Variants in KRT4 observed in about 807,000 individuals in gnomAD.
The protein encoded by KRT4 is keratin 4.
Under a neutral mutation model 50.6 loss-of-function variants are expected in KRT4, and 47 were observed. The observed-to-expected ratio is 0.93, with a 90% CI of 0.73 to 1.18. The LOEUF is 1.18. Among genes scored for constraint, KRT4 ranks in the 50% most tolerant of loss-of-function variants. KRT4 has a pLI of 0.00. For missense variants in KRT4, 651 were observed against 645.7 expected (o/e 1.01, Z -0.09); for synonymous variants, 254 against 251.2 (o/e 1.01, Z -0.10).
chr12:52,814,102 C>A lies in KRT4; in HGVS notation c.-44G>T. On this transcript the variant is annotated 5_prime_UTR_variant, in exon 1 of 9. Coordinates refer to ENST00000551956, the MANE Select transcript of KRT4 (RefSeq NM_002272.4). ...GGGAGCTATCAGAGAAGTGACAGGG[C>A]CCAGGCCGGTGAGTGCTGGAGCCCT... is the stretch of plus-strand genomic sequence containing the variant. 6.2e-7 allele frequency: 1 copy of A among 1,614,004 alleles called. No homozygotes were observed.
rs754420448 is a variant in KRT4 at position 52,813,866 on chromosome 12, C to T, written c.193G>A (p.Val65Met). The part of the protein sequence containing the change: ...LRGNKSISMS[V>M]AGSRQGACFG... ...CAGGCACCTTGTCGTGACCCAGCCA[C>T]ACTCATGGAGATGCTTTTGTTCCCC... Residue 65 changes from valine (V) to methionine (M), a missense_variant, in exon 1 of 9, where the codon GTG (valine) becomes ATG (methionine). Transcript: ENST00000551956. 2.9e-5 allele frequency: 47 copies of T among 1,614,028 alleles called. No homozygotes were observed. The Middle Eastern group carries it at 4.9e-4, about 17-fold the overall frequency.
At position 52,808,722 on chromosome 12, in the gene KRT4, C is replaced by T. The variant is rs1176988780; in HGVS notation, c.963G>A (p.Arg321=). 2.5e-6 allele frequency: 4 copies of T among 1,614,048 alleles called. No homozygotes were observed. The highest frequency in any genetic ancestry group is 3.4e-6 in the Non-Finnish European group (4 of 1,180,038). ...VRAQYEEIAQ[R]SKAEAEALYQ... is the part of the protein sequence containing the mutation. ...ACAGGGCTTCAGCCTCAGCCTTGCTCCTCTGGGCAATCTCCTCGTACTGGG... is the reference window on the plus strand; with the variant it reads ...ACAGGGCTTCAGCCTCAGCCTTGCTTCTCTGGGCAATCTCCTCGTACTGGG... The change falls in exon 5 of 9, where the codon AGG becomes AGA. Residue 321 remains arginine (R), a synonymous_variant. Transcript: ENST00000551956.
rs763244090 is a variant in KRT4 at position 52,808,763 on chromosome 12, T to C, written c.922A>G (p.Ile308Val). 20 of 1,614,030 alleles carry C rather than the reference T, an allele frequency of 1.2e-5. No homozygotes were observed. Among genetic ancestry groups the C allele is most frequent in the Non-Finnish European group, 1.6e-5 (19 of 1,180,022 alleles). The change falls in exon 5 of 9, where the codon ATT becomes GTT. Residue 308 changes from isoleucine to valine, a missense_variant. Ile to Val is a conservative substitution (Grantham distance 29). Coordinates refer to ENST00000551956, the MANE Select transcript of KRT4 (RefSeq NM_002272.4). Reference sequence around the variant, plus strand: ...TCGTACTGGGCACGGACCTCGGCAATAATGCTGTCCAGGTCCAGGTTGCGG... The same window carrying C: ...TCGTACTGGGCACGGACCTCGGCAACAATGCTGTCCAGGTCCAGGTTGCGG... The part of the protein sequence containing the change: ...NNRNLDLDSI[I>V]AEVRAQYEEI...
chr12:52,810,754 A>T lies in KRT4; in HGVS notation c.738+2T>A. On this transcript the variant is annotated splice_donor_variant, in intron 3 of 8. Transcript: ENST00000551956. LOFTEE classifies it high-confidence loss of function. ...CACTCCCTACCATCCTTCGTCTCTT[A>T]CCTTCTTTAGGACCACAAAGTCATT... 6.2e-7 allele frequency: 1 copy of T among 1,613,698 alleles called. No homozygotes were observed. The highest frequency in any genetic ancestry group is 8.5e-7 in the Non-Finnish European group (1 of 1,179,710).
intron 6 of KRT4, 60 bp from the exon 7 acceptor site, chr12:52,807,924 C>A: frequency 1.4e-6 from 2 of 1,429,284 alleles, no homozygotes; most frequent in African/African-American, 1.4e-5. Context: ...GCCTCTACAC[C>A]TGTCCCCTCC....
chr12:52,810,836 G>A lies in KRT4; in HGVS notation c.678-20C>T. On this transcript the variant is annotated intron_variant, in intron 2 of 8. Coordinates refer to ENST00000551956, the MANE Select transcript of KRT4 (RefSeq NM_002272.4). ...TCATACCTGGGGGTGGGCACGGGGA[G>A]AAAAAGACAAAAACCCACAGTGAGC... The A allele has an allele frequency of 6.2e-7, 1 of 1,606,314 alleles. No individual in the cohort carries two copies. The highest frequency in any genetic ancestry group is 8.5e-7 in the Non-Finnish European group (1 of 1,173,038).
intron 3 of KRT4, 109 bp downstream of exon 3, chr12:52,810,647 T>A: frequency 1.1e-6 from 1 of 886,164 alleles, no homozygotes. Context: ...TAGTTCCAAG[T>A]GAAGCAGGGA....
chr12:52,810,365 T>C (rs1352956774), intron 3 of KRT4, among the ~76,000 whole-genome samples: 3 of 151,944 alleles, frequency 2.0e-5, no homozygotes, highest in East Asian at 1.9e-4. Context: ...CTGACCAACA[T>C]GGAAAAACCC....
Position 52,806,839 on chromosome 12 carries a change from C to A in KRT4, c.*230G>T. 1 of 600,624 alleles carries A rather than the reference C, an allele frequency of 1.7e-6. No individual in the cohort carries two copies. Among genetic ancestry groups the A allele is most frequent in the Non-Finnish European group, 3.0e-6 (1 of 333,338 alleles). 37.2% of individuals were successfully genotyped at this position (600,624 alleles called of 1,614,324 possible). A position where few individuals can be genotyped will look rare whatever the true frequency, so the allele number is the denominator to read the frequency against. Reference sequence around the variant, plus strand: ...GAGGTCAGCTGACATCCTTCCCATTCCAGGTGGGTCACCAGGCCCAAATCA... The same window carrying A: ...GAGGTCAGCTGACATCCTTCCCATTACAGGTGGGTCACCAGGCCCAAATCA... On this transcript the variant is annotated 3_prime_UTR_variant, in exon 9 of 9. Transcript: ENST00000551956.
In KRT4 at chr12:52,806,748, T is replaced by C; in HGVS notation, c.*321A>G. The C allele has an allele frequency of 2.3e-6, 1 of 428,496 alleles. No individual in the cohort carries two copies. The highest frequency in any genetic ancestry group is 4.4e-6 in the Non-Finnish European group (1 of 228,356). The allele number at this position is 428,496 out of a possible 1,614,324, so 26.5% of individuals were successfully genotyped here. On this transcript the variant is annotated 3_prime_UTR_variant, in exon 9 of 9. Transcript: ENST00000551956. The stretch of plus-strand genomic sequence containing the variant: ...GATGGCATTGGACTGGGAAGGGACA[T>C]ATGTGACCCCAATAATTCTGGAGAT...
intron 3 of KRT4, among the ~76,000 whole-genome samples, chr12:52,810,062 G>A (rs1197639842): frequency 1.3e-5 from 2 of 152,046 alleles, no homozygotes; most frequent in African/African-American, 4.8e-5. Context: ...ATGTGTACAT[G>A]TGGACATAGA....
intron 5 of KRT4, 85 bp from the exon 6 acceptor site, chr12:52,808,504 A>C: frequency 1.9e-6 from 3 of 1,588,972 alleles, no homozygotes; most frequent in Non-Finnish European, 2.6e-6. Context: ...GAGAATTGCC[A>C]CAGGTGGCAA....
At position 52,809,392 on chromosome 12, in the gene KRT4, G is replaced by A. The variant is rs1939867147; in HGVS notation, c.825C>T (p.Leu275=). ...AGGATGGAGCCCTCACCGCATCATA[G>A]AGGACCTTCAGGAAGTTGATCTCGT... ...LNDEINFLKV[L]YDAELSQMQT... is the part of the protein sequence containing the mutation. Residue 275 remains leucine (L), a synonymous_variant, in exon 4 of 9, where the codon CTC becomes CTT. Transcript: ENST00000551956. The A allele has an allele frequency of 6.2e-7, 1 of 1,612,328 alleles. No homozygotes were observed. The highest frequency in any genetic ancestry group is 1.1e-5 in the South Asian group (1 of 91,070).
chr12:52,811,867 G>A lies in KRT4; in HGVS notation c.573C>T (p.Tyr191=), dbSNP rs767612974. 2 of 1,613,978 alleles carry A rather than the reference G, an allele frequency of 1.2e-6. No homozygotes were observed. Among genetic ancestry groups the A allele is most frequent in the Middle Eastern group, 1.7e-4 (1 of 6,002 alleles). Residue 191 remains tyrosine, a synonymous_variant, in exon 2 of 9, where the codon TAC becomes TAT. Coordinates refer to ENST00000551956, the MANE Select transcript of KRT4 (RefSeq NM_002272.4). ...SKNLEPLFET[Y]LSVLRKQLDT... ...CTAGCTGCTTCCTCAGGACACTGAG[G>A]TAGGTCTCAAAGAGGGGCTCAAGGT...
At position 52,808,852 on chromosome 12, in the gene KRT4, T is replaced by A; in HGVS notation, c.835-2A>T. 1 of 1,614,124 alleles carries A rather than the reference T, an allele frequency of 6.2e-7. No homozygotes were observed. Among genetic ancestry groups the A allele is most frequent in the Non-Finnish European group, 8.5e-7 (1 of 1,179,946 alleles). ...ATGGGTCTGCATCTGGGACAGCTCC[T>A]GCAGGGCAAATGTCTCACATCAGCC... is the stretch of plus-strand genomic sequence containing the variant. On this transcript the variant is annotated splice_acceptor_variant, in intron 4 of 8. Coordinates refer to ENST00000551956, the MANE Select transcript of KRT4 (RefSeq NM_002272.4). LOFTEE classifies it high-confidence loss of function.
chr12:52,812,445 A>C (rs1417932167), intron 1 of KRT4, among the ~76,000 whole-genome samples: 1 of 152,196 alleles, frequency 6.6e-6, no homozygotes, highest in Non-Finnish European at 1.5e-5. Context: ...TGAACCTGTG[A>C]ACAACTGAGT....
chr12:52,808,828 T>C lies in KRT4; in HGVS notation c.857A>G (p.His286Arg), dbSNP rs775656096. 6.8e-6 allele frequency: 11 copies of C among 1,614,120 alleles called. No individual in the cohort carries two copies. The highest frequency in any genetic ancestry group is 9.3e-6 in the Non-Finnish European group (11 of 1,180,038). Reference protein sequence around the residue: ...YDAELSQMQTHVSDTSVVLSM... With the variant: ...YDAELSQMQTRVSDTSVVLSM... Reference sequence around the variant, plus strand: ...AAGGACCACGGACGTGTCGCTGACATGGGTCTGCATCTGGGACAGCTCCTG... The same window carrying C: ...AAGGACCACGGACGTGTCGCTGACACGGGTCTGCATCTGGGACAGCTCCTG... The change falls in exon 5 of 9, where the codon CAT becomes CGT. Residue 286 changes from histidine to arginine, a missense_variant. Physicochemically the swap from His to Arg is conservative, Grantham distance 29. Coordinates refer to ENST00000551956, the MANE Select transcript of KRT4 (RefSeq NM_002272.4).
intron 1 of KRT4, among the ~76,000 whole-genome samples, 157 bp from the exon 2 acceptor site, chr12:52,812,134 C>T (rs1190937467): frequency 6.6e-6 from 1 of 152,112 alleles, no homozygotes; most frequent in Non-Finnish European, 1.5e-5. Context: ...ACCATTCACT[C>T]GGGTTGACAT....
chr12:52,811,649 C>A (rs191906936), intron 2 of KRT4, 114 bp downstream of exon 2: 5 of 833,128 alleles, frequency 6.0e-6, no homozygotes, highest in South Asian at 4.3e-5. Flanking sequence ...GACTAGAGGG[C>A]CTTCCTAGAC....
Sources: gnomAD v4.1 joint callset for allele counts (sites outside exome capture counted in the v4.1 genomes callset) on GRCh38, gnomAD v4.1.1 for gene constraint, MANE v1.5 for transcripts, NCBI Gene and HGNC (gene_info 2026-07-23, HGNC 2026-07-21) for gene names.